Variants in SLC25A10 observed in about 807,000 individuals in gnomAD.
SLC25A10 encodes the protein solute carrier family 25 member 10, also known as mitochondrial dicarboxylate carrier.
A neutral mutation model predicts 40.4 loss-of-function variants in SLC25A10; 32 were observed. That is an observed-to-expected ratio of 0.79 (90% CI 0.60 to 1.06). The LOEUF is 1.06. Ranked by LOEUF, SLC25A10 falls within the 50% of genes least tolerant of loss-of-function variation. The pLI is 0.00. For synonymous variants in SLC25A10, 181 were observed against 171.1 expected, an observed-to-expected ratio of 1.06 and a Z score of -0.45; for missense variants, 394 against 402.6, an observed-to-expected ratio of 0.98 and a Z score of 0.18.
intron 9 of SLC25A10, among the ~76,000 whole-genome samples, chr17:81,719,339 T>A (rs1470542584): frequency 2.0e-5 from 3 of 152,210 alleles, no homozygotes; most frequent in Non-Finnish European, 4.4e-5. Context: ...AGTGCTGGGA[T>A]TACAGGTGTG....
At position 81,720,136 on chromosome 17, in the gene SLC25A10, C is replaced by T; in HGVS notation, c.*59C>T. 6.2e-7 allele frequency: 1 copy of T among 1,600,594 alleles called. No individual in the cohort carries two copies. Among genetic ancestry groups the T allele is most frequent in the Admixed American group, 1.7e-5 (1 of 59,598 alleles). On this transcript the variant is annotated 3_prime_UTR_variant, in exon 11 of 11. Transcript: ENST00000350690. Reference sequence around the variant, plus strand: ...ACACGCTAGGTTCTTCCAAAGAGTCCCAAGCCCAGCACCTGCTCCTGGGGC... The same window carrying T: ...ACACGCTAGGTTCTTCCAAAGAGTCTCAAGCCCAGCACCTGCTCCTGGGGC...
At chr17:81,714,390 C>T (rs543568742) in intron 1 of SLC25A10, among the ~76,000 whole-genome samples, 1 of 152,322 alleles carries the variant, frequency 6.6e-6, no homozygotes, top group East Asian at 1.9e-4. Flanking sequence ...CCCACAGCTC[C>T]TAGGTGCTTT....
chr17:81,712,463 G>C lies in SLC25A10; in HGVS notation c.37G>C (p.Gly13Arg). 7.6e-7 allele frequency: 1 copy of C among 1,309,110 alleles called. No individual in the cohort carries two copies. The highest frequency in any genetic ancestry group is 3.1e-5 in the East Asian group (1 of 32,210). 81.1% of individuals were successfully genotyped at this position (1,309,110 alleles called of 1,614,324 possible). Reference sequence around the variant, plus strand: ...GGCGCGCGTGTCGCGCTGGTACTTCGGGGGGCTGGCCTCCTGCGGGGCCGC... The same window carrying C: ...GGCGCGCGTGTCGCGCTGGTACTTCCGGGGGCTGGCCTCCTGCGGGGCCGC... ...AEARVSRWYF[G>R]GLASCGAACC... is the part of the protein sequence containing the mutation. Residue 13 changes from glycine to arginine, a missense_variant, in exon 1 of 11, where the codon GGG (glycine) becomes CGG (arginine). By Grantham distance (125) the Gly-to-Arg change is moderately radical. Transcript: ENST00000350690.
intron 8 of SLC25A10, 96 bp from the exon 9 acceptor site, chr17:81,717,688 C>T (rs1250659208): frequency 6.9e-7 from 1 of 1,452,924 alleles, no homozygotes; most frequent in African/African-American, 1.4e-5. Flanking sequence ...TCCTGGCCCG[C>T]CCTAGGAGTC....
In SLC25A10 at chr17:81,714,953, G is replaced by T; in HGVS notation, c.94G>T (p.Val32Leu). The T allele has an allele frequency of 6.2e-7, 1 of 1,607,696 alleles. No individual in the cohort carries two copies. Residue 32 changes from valine (V) to leucine (L), a missense_variant and splice_region_variant, in exon 2 of 11, where the codon GTG becomes TTG. Coordinates refer to ENST00000350690, the MANE Select transcript of SLC25A10 (RefSeq NM_012140.5). ...CCTHPLDLLK[V>L]HLQTQQEVKL... ...GGTCTGAGAGCACTCACTCCCGCAG[G>T]TGCATCTGCAGACGCAGCAGGAGGT... is the stretch of plus-strand genomic sequence containing the variant.
intron 7 of SLC25A10, 63 bp from the exon 8 acceptor site, chr17:81,717,336 C>T: frequency 6.6e-7 from 1 of 1,513,900 alleles, no homozygotes; most frequent in Non-Finnish European, 9.2e-7. Context: ...CGCCTGGGGC[C>T]CTGTGTGCTT....
Position 81,720,599 on chromosome 17 carries a change from G to T in SLC25A10, c.*522G>T. 3 of 1,132,704 alleles carry T rather than the reference G, an allele frequency of 2.6e-6. No homozygotes were observed. Among genetic ancestry groups the T allele is most frequent in the Non-Finnish European group, 3.4e-6 (3 of 889,294 alleles). 70.2% of individuals were successfully genotyped at this position (1,132,704 alleles called of 1,614,324 possible). Reference sequence around the variant, plus strand: ...CAACTCCCCGCGAGACCCCGCAGCTGGGTGGGATGAACAAGCAACGCAGAC... The same window carrying T: ...CAACTCCCCGCGAGACCCCGCAGCTTGGTGGGATGAACAAGCAACGCAGAC... On this transcript the variant is annotated 3_prime_UTR_variant, in exon 11 of 11. Coordinates refer to ENST00000350690, the MANE Select transcript of SLC25A10 (RefSeq NM_012140.5).
Position 81,720,141 on chromosome 17 carries a change from C to T in SLC25A10, c.*64C>T. 2.5e-6 allele frequency: 4 copies of T among 1,596,732 alleles called. No homozygotes were observed. In the South Asian group the frequency reaches 4.4e-5, roughly 18 times the overall value. On this transcript the variant is annotated 3_prime_UTR_variant, in exon 11 of 11. Transcript: ENST00000350690. Reference sequence around the variant, plus strand: ...CTAGGTTCTTCCAAAGAGTCCCAAGCCCAGCACCTGCTCCTGGGGCCACGA... The same window carrying T: ...CTAGGTTCTTCCAAAGAGTCCCAAGTCCAGCACCTGCTCCTGGGGCCACGA...
Position 81,720,582 on chromosome 17 carries a change from C to T in SLC25A10, c.*505C>T, listed in dbSNP as rs151334717. On this transcript the variant is annotated 3_prime_UTR_variant, in exon 11 of 11. Coordinates refer to ENST00000350690, the MANE Select transcript of SLC25A10 (RefSeq NM_012140.5). ...ATGTCCTCGGGCAGCTGCAACTCCC[C>T]GCGAGACCCCGCAGCTGGGTGGGAT... 472 of 1,182,124 alleles carry T rather than the reference C, an allele frequency of 4.0e-4. No individual in the cohort carries two copies. The African/African-American group carries it at 6.1e-3, about 15-fold the overall frequency. 73.2% of individuals were successfully genotyped at this position (1,182,124 alleles called of 1,614,324 possible). A position where few individuals can be genotyped will look rare whatever the true frequency, so the allele number is the denominator to read the frequency against.
Position 81,717,393 on chromosome 17 carries a change from C to T in SLC25A10, c.535-6C>T. ...TACAGCCCTGACCGCCCTTGTGCCC[C>T]TGCAGCTGTCCTGCTACGACCAGGC... On this transcript the variant is annotated splice_polypyrimidine_tract_variant and splice_region_variant and intron_variant, in intron 7 of 10. Transcript: ENST00000350690. 1 of 1,613,218 alleles carries T rather than the reference C, an allele frequency of 6.2e-7. No individual in the cohort carries two copies. The highest frequency in any genetic ancestry group is 8.5e-7 in the Non-Finnish European group (1 of 1,179,868).
intron 1 of SLC25A10, 146 bp downstream of exon 1, chr17:81,712,665 G>A (rs913571185): frequency 7.4e-6 from 4 of 541,296 alleles, no homozygotes; most frequent in Admixed American, 4.5e-5. Context: ...CCGACGCCCG[G>A]ATGGCCGATC....
intron 9 of SLC25A10, among the ~76,000 whole-genome samples, chr17:81,718,359 C>A (rs2037526789): frequency 1.3e-5 from 2 of 152,116 alleles, no homozygotes. Flanking sequence ...GTGGCGTGCG[C>A]CTGTAATCCC....
At chr17:81,718,608 T>C (rs1193802591) in intron 9 of SLC25A10, among the ~76,000 whole-genome samples, 1 of 151,958 alleles carries the variant, frequency 6.6e-6, no homozygotes, top group Non-Finnish European at 1.5e-5. Flanking sequence ...TGAGCCGAGA[T>C]TGCACCACTG....
chr17:81,718,897 C>T (rs1487999195), intron 9 of SLC25A10, among the ~76,000 whole-genome samples: 4 of 151,198 alleles, frequency 2.6e-5, no homozygotes, highest in Admixed American at 6.6e-5. Context: ...TGCAGTGAGC[C>T]GAGATTGCAC....
Position 81,715,606 on chromosome 17 carries a change from C to A in SLC25A10, c.328+14C>A. 3 of 1,508,056 alleles carry A rather than the reference C, an allele frequency of 2.0e-6. No homozygotes were observed. The highest frequency in any genetic ancestry group is 1.8e-6 in the Non-Finnish European group (2 of 1,091,878). The allele number at this position is 1,508,056 out of a possible 1,614,324, so 93.4% of individuals were successfully genotyped here. A position where few individuals can be genotyped will look rare whatever the true frequency, so the allele number is the denominator to read the frequency against. ...GCTCCGTCAGCGGTGAGCTGCCGGG[C>A]GGGAGGGGGAGGGGCGCGGGGTGGT... On this transcript the variant is annotated intron_variant, in intron 3 of 10. Coordinates refer to ENST00000350690, the MANE Select transcript of SLC25A10 (RefSeq NM_012140.5).
rs1273407846 is a variant in SLC25A10, at chr17:81,720,377, T to C, written c.*300T>C. 2.1e-6 allele frequency: 3 copies of C among 1,405,556 alleles called. No homozygotes were observed. Among genetic ancestry groups the C allele is most frequent in the Non-Finnish European group, 2.8e-6 (3 of 1,086,132 alleles). 87.1% of individuals were successfully genotyped at this position (1,405,556 alleles called of 1,614,324 possible). A position where few individuals can be genotyped will look rare whatever the true frequency, so the allele number is the denominator to read the frequency against. On this transcript the variant is annotated 3_prime_UTR_variant, in exon 11 of 11. Transcript: ENST00000350690. ...ACAGGGGCTACCAGAGGCTGATTTC[T>C]CCCCTCTCCTGGGCCAGGGGAGGGG...
chr17:81,715,056 C>T lies in SLC25A10; in HGVS notation c.197C>T (p.Ala66Val). The stretch of plus-strand genomic sequence containing the variant: ...CTGGCACTCTACAGCGGCCTGAGCG[C>T]CTCGCTGTGCAGACAGGTGCGTGGT... ...GILALYSGLS[A>V]SLCRQMTYSL... The change falls in exon 2 of 11, where the codon GCC becomes GTC. Residue 66 changes from alanine to valine, a missense_variant. Transcript: ENST00000350690. 1.2e-6 allele frequency: 2 copies of T among 1,609,952 alleles called. No homozygotes were observed. Among genetic ancestry groups the T allele is most frequent in the East Asian group, 2.2e-5 (1 of 44,880 alleles).
chr17:81,712,604 C>G, intron 1 of SLC25A10, 85 bp downstream of exon 1: 1 of 1,009,096 alleles, frequency 9.9e-7, no homozygotes, highest in East Asian at 3.4e-5. Context: ...GCCCCACGCA[C>G]CCGGGGATCG....
Position 81,715,989 on chromosome 17 carries a change from G to T in SLC25A10, c.378-20G>T. 1 of 1,346,076 alleles carries T rather than the reference G, an allele frequency of 7.4e-7. No homozygotes were observed. The allele number at this position is 1,346,076 out of a possible 1,614,324, so 83.4% of individuals were successfully genotyped here. On this transcript the variant is annotated intron_variant, in intron 4 of 10. Transcript: ENST00000350690. ...GCCCCTCGGCCCGCCCGCCCCTCCC[G>T]CCACCTGCTTCTGTTTCAGGATGCA...
Sources: allele counts gnomAD v4.1 joint callset (sites outside exome capture counted in the v4.1 genomes callset), GRCh38; gene constraint gnomAD v4.1.1; transcripts MANE v1.5; gene names NCBI Gene and HGNC (gene_info 2026-07-23, HGNC 2026-07-21).